The following NHLRC2 variants were observed in gnomAD, a reference collection of about 807,000 sequenced individuals.
NHLRC2 encodes NHL repeat-containing protein 2.
A neutral mutation model predicts 68.1 loss-of-function variants in NHLRC2; 33 were observed. The observed-to-expected ratio is 0.48, with a 90% confidence interval of 0.37 to 0.65. NHLRC2 has a LOEUF of 0.65. Ranked by LOEUF, NHLRC2 falls within the 30% of genes least tolerant of loss-of-function variation. The pLI is 0.00. For synonymous variants in NHLRC2, 311 were observed against 309.6 expected, an observed-to-expected ratio of 1.00 and a Z score of -0.05; for missense variants, 761 against 853.8, an observed-to-expected ratio of 0.89 and a Z score of 1.35.
At chr10:113,871,276 G>A (rs965033031) in intron 2 of NHLRC2, among the ~76,000 whole-genome samples, 34 of 151,930 alleles carry the variant, frequency 2.2e-4, no homozygotes, top group Non-Finnish European at 1.8e-4. Flanking sequence ...AGCCAGCCTC[G>A]GCCTCCCAAA....
intron 4 of NHLRC2, among the ~76,000 whole-genome samples, chr10:113,882,638 T>G (rs1846045552): frequency 6.6e-6 from 1 of 151,852 alleles, no homozygotes; most frequent in Non-Finnish European, 1.5e-5. Context: ...CACATTTTTC[T>G]GCTTGCCTTT....
rs1204205042 is a variant in NHLRC2 at position 113,916,684 on chromosome 10, A to T, written c.*8148A>T. ...AATTATAACATTTCATAAATATGTC[A>T]ATTTTAGAAACTCAAACTCTTTCCC... On this transcript the variant is annotated 3_prime_UTR_variant, in exon 11 of 11. Coordinates refer to ENST00000369301, the MANE Select transcript of NHLRC2 (RefSeq NM_198514.4). 2 of 152,180 alleles carry T rather than the reference A, an allele frequency of 1.3e-5. No individual in the cohort carries two copies. The highest frequency in any genetic ancestry group is 2.9e-5 in the Non-Finnish European group (2 of 68,018). 9.4% of individuals were successfully genotyped at this position (152,180 alleles called of 1,614,324 possible).
At chr10:113,899,137 CTT>C (rs1259155490) in intron 6 of NHLRC2, among the ~76,000 whole-genome samples, 3 of 152,072 alleles carry the variant, frequency 2.0e-5, no homozygotes, top group African/African-American at 7.2e-5. Context: ...CTTTCTCTCT[CTT>C]CTCTCCTTTT....
At chr10:113,882,386 C>G (rs1354088897) in intron 4 of NHLRC2, among the ~76,000 whole-genome samples, 1 of 151,670 alleles carries the variant, frequency 6.6e-6, no homozygotes, top group Non-Finnish European at 1.5e-5. Context: ...TTTAAAAATT[C>G]TAGCCATCCT....
rs796748357 is a variant in NHLRC2 at position 113,882,469 on chromosome 10, T to A, written c.910-1782T>A. On this transcript the variant is annotated intron_variant, in intron 4 of 10. Coordinates refer to ENST00000369301, the MANE Select transcript of NHLRC2 (RefSeq NM_198514.4). ...TTATGACTAATGATGTCAACCACCT[T>A]TTCCTGTGCTTATGGGCCATTTTTA... is the stretch of plus-strand genomic sequence containing the variant. Among the ~76,000 whole-genome samples, 11 of 151,910 alleles carry A rather than the reference T, an allele frequency of 7.2e-5. 1 individual carries two copies. Among genetic ancestry groups the A allele is most frequent in the African/African-American group, 2.6e-4 (11 of 41,542 alleles).
At chr10:113,871,224 A>C (rs1022752467) in intron 2 of NHLRC2, among the ~76,000 whole-genome samples, 8 of 151,984 alleles carry the variant, frequency 5.3e-5, no homozygotes, top group African/African-American at 1.9e-4. Flanking sequence ...GAGTTTCTCC[A>C]TGTTGGTCAG....
chr10:113,888,825 CTT>C (rs553815478), intron 5 of NHLRC2, among the ~76,000 whole-genome samples: 19 of 132,938 alleles, frequency 1.4e-4, no homozygotes, highest in East Asian at 2.2e-4. Flanking sequence ...CTATCAGTAT[CTT>C]TTTTTTTTTT....
chr10:113,883,344 T>C (rs1846052472), intron 4 of NHLRC2, among the ~76,000 whole-genome samples: 1 of 151,948 alleles, frequency 6.6e-6, no homozygotes, highest in African/African-American at 2.4e-5. Context: ...TATCTTGTCA[T>C]GCTTATAATC....
Position 113,908,739 on chromosome 10 carries a change from C to T in NHLRC2, c.*203C>T, listed in dbSNP as rs1406767861. The T allele has an allele frequency of 3.5e-5, 20 of 576,148 alleles. No homozygotes were observed. Among genetic ancestry groups the T allele is most frequent in the African/African-American group, 1.9e-4 (10 of 53,432 alleles). The allele number at this position is 576,148 out of a possible 1,614,324, so 35.7% of individuals were successfully genotyped here. A position where few individuals can be genotyped will look rare whatever the true frequency, so the allele number is the denominator to read the frequency against. On this transcript the variant is annotated 3_prime_UTR_variant, in exon 11 of 11. Transcript: ENST00000369301. Reference sequence around the variant, plus strand: ...ACAAATTCCTTTGCTTTGGCTGATACTAGCTGAGTCATTGATCATCATTGG... The same window carrying T: ...ACAAATTCCTTTGCTTTGGCTGATATTAGCTGAGTCATTGATCATCATTGG...
At chr10:113,884,521 T>C (rs1255663519) in intron 5 of NHLRC2, 141 bp downstream of exon 5, 2 of 543,118 alleles carry the variant, frequency 3.7e-6, no homozygotes, top group Non-Finnish European at 6.2e-6. Flanking sequence ...AGTTTGTTAA[T>C]TGTGTAAAAA....
chr10:113,858,355 T>C (rs1275350436), intron 1 of NHLRC2, among the ~76,000 whole-genome samples, 173 bp from the exon 2 acceptor site: 2 of 152,132 alleles, frequency 1.3e-5, no homozygotes, highest in East Asian at 3.8e-4. Flanking sequence ...AAATGATGGT[T>C]CATAGTAAAC....
chr10:113,894,480 T>C (rs1204977955), intron 5 of NHLRC2, among the ~76,000 whole-genome samples: 4 of 152,346 alleles, frequency 2.6e-5, no homozygotes, highest in African/African-American at 7.2e-5. Context: ...TAAATTCCTG[T>C]ATAAAATTGT....
At position 113,876,544 on chromosome 10, in the gene NHLRC2, C is replaced by T. The variant is rs867216305; in HGVS notation, c.355C>T (p.His119Tyr). The change falls in exon 3 of 11, where the codon CAC becomes TAC. Residue 119 changes from histidine (H) to tyrosine (Y), a missense_variant. Physicochemically the swap from His to Tyr is moderately conservative, Grantham distance 83 (BLOSUM62 2). Coordinates refer to ENST00000369301, the MANE Select transcript of NHLRC2 (RefSeq NM_198514.4). ...DKDGLLIIGV[H>Y]SAKFPNEKVL... ...AGATGGTCTTCTTATTATTGGTGTT[C>T]ACTCGGCTAAGTTTCCAAATGAAAA... 5 of 1,600,660 alleles carry T rather than the reference C, an allele frequency of 3.1e-6. No homozygotes were observed. Among genetic ancestry groups the T allele is most frequent in the East Asian group, 2.2e-5 (1 of 44,644 alleles).
intron 2 of NHLRC2, among the ~76,000 whole-genome samples, chr10:113,869,041 C>T (rs953066312): frequency 6.6e-6 from 1 of 152,224 alleles, no homozygotes; most frequent in African/African-American, 2.4e-5. Flanking sequence ...TTTTCTGCAA[C>T]AAGGTGACAT....
In NHLRC2 at chr10:113,916,602, A is replaced by G. The variant is rs980355876; in HGVS notation, c.*8066A>G. 1 of 152,196 alleles carries G rather than the reference A, an allele frequency of 6.6e-6. No individual in the cohort carries two copies. The highest frequency in any genetic ancestry group is 2.4e-5 in the African/African-American group (1 of 41,440). 9.4% of individuals were successfully genotyped at this position (152,196 alleles called of 1,614,324 possible). A position where few individuals can be genotyped will look rare whatever the true frequency, so the allele number is the denominator to read the frequency against. ...GACAATTAGAAATGTTGTAATTGTC[A>G]TATCTTTACATGTGGATTATGAACA... On this transcript the variant is annotated 3_prime_UTR_variant, in exon 11 of 11. Transcript: ENST00000369301.
chr10:113,885,394 A>G (rs574487134), intron 5 of NHLRC2, among the ~76,000 whole-genome samples: 11 of 152,076 alleles, frequency 7.2e-5, no homozygotes, highest in African/African-American at 2.6e-4. Flanking sequence ...ATAGTATAGT[A>G]GGAGCAGTGC....
At chr10:113,900,877 A>G (rs1846221739) in intron 6 of NHLRC2, among the ~76,000 whole-genome samples, 1 of 152,154 alleles carries the variant, frequency 6.6e-6, no homozygotes, top group African/African-American at 2.4e-5. Flanking sequence ...TGATTTACAC[A>G]GACTCTCATT....
chr10:113,875,882 T>C (rs888404942), intron 2 of NHLRC2, among the ~76,000 whole-genome samples: 1 of 152,016 alleles, frequency 6.6e-6, no homozygotes, highest in African/African-American at 2.4e-5. Flanking sequence ...GTAGTCAATA[T>C]TGAATTTTTT....
chr10:113,883,128 T>A (rs902634597), intron 4 of NHLRC2, among the ~76,000 whole-genome samples: 1 of 151,920 alleles, frequency 6.6e-6, no homozygotes, highest in African/African-American at 2.4e-5. Context: ...TTTTCAAGAT[T>A]ATTTTGGCTA....
Sources: allele counts gnomAD v4.1 joint callset (sites outside exome capture counted in the v4.1 genomes callset), GRCh38; gene constraint gnomAD v4.1.1; transcripts MANE v1.5; gene names NCBI Gene and HGNC (gene_info 2026-07-23, HGNC 2026-07-21).